TBC1D7: variants seen among roughly 807,000 people sequenced by gnomAD.
The protein encoded by TBC1D7 is TBC domain family 7.
TBC1D7 carries 33 observed loss-of-function variants against 35.3 expected under a neutral mutation model. The observed-to-expected ratio is 0.93, with a 90% CI of 0.71 to 1.25. The LOEUF is 1.25. Among genes scored for constraint, TBC1D7 ranks in the 50% most tolerant of loss-of-function variants. TBC1D7 has a pLI of 0.00. For missense variants in TBC1D7, 362 were observed against 365.3 expected (o/e 0.99, Z 0.07); for synonymous variants, 135 against 129.5 (o/e 1.04, Z -0.29).
chr6:13,325,020 G>A, intron 3 of TBC1D7, 74 bp downstream of exon 3: 1 of 1,167,442 alleles, frequency 8.6e-7, no homozygotes, highest in Non-Finnish European at 1.2e-6. Flanking sequence ...TCCTTTTTCT[G>A]ACTGATAAGA....
At chr6:13,324,258 G>T (rs1206172208) in intron 3 of TBC1D7, among the ~76,000 whole-genome samples, 1 of 152,014 alleles carries the variant, frequency 6.6e-6, no homozygotes, top group Non-Finnish European at 1.5e-5. Flanking sequence ...CTTCCAGGTA[G>T]CTGGGACTAC....
intron 5 of TBC1D7, among the ~76,000 whole-genome samples, chr6:13,314,981 G>T (rs1433384637): frequency 6.6e-6 from 1 of 152,198 alleles, no homozygotes; most frequent in African/African-American, 2.4e-5. Context: ...GCCAGGCTAT[G>T]ACAGAAACAG....
intron 3 of TBC1D7, 61 bp from the exon 4 acceptor site, chr6:13,321,156 C>T: frequency 6.8e-7 from 1 of 1,468,350 alleles, no homozygotes; most frequent in Non-Finnish European, 9.3e-7. Context: ...CCAAATCCCT[C>T]ATCTATGAAA....
At chr6:13,307,576 T>C (rs763123114) in intron 6 of TBC1D7, 24 bp downstream of exon 6, 1 of 1,613,048 alleles carries the variant, frequency 6.2e-7, no homozygotes, top group East Asian at 2.2e-5. Flanking sequence ...AAGCCTTCAA[T>C]ATGTCTTCGA....
intron 4 of TBC1D7, chr6:13,319,287 C>A (rs1783854162): frequency 1.3e-5 from 2 of 151,926 alleles, no homozygotes; most frequent in South Asian, 2.1e-4. Context: ...TGGAGAAATC[C>A]CATCTTTACT....
At chr6:13,321,166 A>G (rs1784018659) in intron 3 of TBC1D7, 71 bp from the exon 4 acceptor site, 1 of 1,401,864 alleles carries the variant, frequency 7.1e-7, no homozygotes, top group African/African-American at 1.4e-5. Context: ...CATCTATGAA[A>G]GAGGATGCCG....
Position 13,321,004 on chromosome 6 carries a change from A to G in TBC1D7, c.285T>C (p.Val95=), listed in dbSNP as rs369137516. ...GAGGTGTGGCATCACTAACAAAGCGAACGACTTTCAGGGCATGAAGGACAT... is the reference window on the plus strand; with the variant it reads ...GAGGTGTGGCATCACTAACAAAGCGGACGACTTTCAGGGCATGAAGGACAT... ...YLDVLHALKV[V]RFVSDATPQA... Residue 95 remains valine (V), a synonymous_variant, in exon 4 of 8, where the codon GTT becomes GTC. Coordinates refer to ENST00000379300, the MANE Select transcript of TBC1D7 (RefSeq NM_016495.6). The G allele has an allele frequency of 5.6e-5, 91 of 1,614,114 alleles. No individual in the cohort carries two copies. Among genetic ancestry groups the G allele is most frequent in the Non-Finnish European group, 7.5e-5 (89 of 1,180,052 alleles).
At chr6:13,308,786 AG>A (rs1447841388) in intron 5 of TBC1D7, among the ~76,000 whole-genome samples, 11 of 142,378 alleles carry the variant, frequency 7.7e-5, no homozygotes, top group Non-Finnish European at 1.4e-4. Flanking sequence ...ATGGAGTGAA[AG>A]GTAAGAGAAA....
At chr6:13,310,054 CA>C (rs768383701) in intron 5 of TBC1D7, among the ~76,000 whole-genome samples, 32 of 152,298 alleles carry the variant, frequency 2.1e-4, no homozygotes, top group Non-Finnish European at 3.8e-4. Flanking sequence ...TGTAGGGAAA[CA>C]ATCTACTGGT....
chr6:13,314,183 C>T (rs1255250903), intron 5 of TBC1D7, among the ~76,000 whole-genome samples: 3 of 147,136 alleles, frequency 2.0e-5, no homozygotes, highest in African/African-American at 7.6e-5. Flanking sequence ...CCCGCCTTGG[C>T]GACCAAGCGA....
chr6:13,311,842 C>T lies in TBC1D7; in HGVS notation c.520-4097G>A, dbSNP rs545195484. ...ACTTTCCTTATCAGCTATCAAAATA[C>T]GCTAGAAAGTTGTATTAAATAAATC... On this transcript the variant is annotated intron_variant, in intron 5 of 7. Transcript: ENST00000379300. Among the ~76,000 whole-genome samples the T allele has an allele frequency of 3.6e-4, 54 of 151,904 alleles. No individual in the cohort carries two copies. The South Asian group carries it at 3.9e-3, about 11-fold the overall frequency.
intron 5 of TBC1D7, among the ~76,000 whole-genome samples, chr6:13,314,089 G>C (rs1783424121): frequency 6.6e-6 from 1 of 151,908 alleles, no homozygotes; most frequent in African/African-American, 2.4e-5. Flanking sequence ...GTGGTGGCGG[G>C]TGCCTGTAGT....
intron 5 of TBC1D7, among the ~76,000 whole-genome samples, chr6:13,310,844 A>G (rs1783161358): frequency 6.6e-6 from 1 of 151,806 alleles, no homozygotes; most frequent in South Asian, 2.1e-4. Context: ...ATATGTGTAT[A>G]TATATTTTTT....
At chr6:13,309,769 T>C (rs1190201450) in intron 5 of TBC1D7, among the ~76,000 whole-genome samples, 3 of 152,232 alleles carry the variant, frequency 2.0e-5, no homozygotes, top group African/African-American at 7.2e-5. Context: ...TTTAGTATTT[T>C]GCTGTTTGCA....
chr6:13,328,078 TA>T (rs1478596918), intron 1 of TBC1D7: 3 of 152,188 alleles, frequency 2.0e-5, no homozygotes, highest in African/African-American at 7.2e-5. Context: ...TGTGGGGATT[TA>T]TTTTTTTAAA....
chr6:13,307,450 CAT>C, intron 6 of TBC1D7, 148 bp downstream of exon 6: 2 of 745,196 alleles, frequency 2.7e-6, no homozygotes, highest in Non-Finnish European at 4.5e-6. Flanking sequence ...TAAGCAGAAT[CAT>C]GTGCTGTTAC....
At chr6:13,322,096 C>T (rs1784083666) in intron 3 of TBC1D7, among the ~76,000 whole-genome samples, 1 of 151,932 alleles carries the variant, frequency 6.6e-6, no homozygotes, top group Non-Finnish European at 1.5e-5. Context: ...AAAAAATTAG[C>T]CAGGTCCAGT....
rs1554196299 is a variant in TBC1D7, at chr6:13,328,514, T to TGCCGCTGCCGCC, written c.-239_-228dup. 7.0e-4 allele frequency: 111 copies of TGCCGCTGCCGCC among 157,896 alleles called. 1 individual carries two copies. Among genetic ancestry groups the TGCCGCTGCCGCC allele is most frequent in the Non-Finnish European group, 1.3e-3 (92 of 71,038 alleles). 9.8% of individuals were successfully genotyped at this position (157,896 alleles called of 1,614,324 possible). A position where few individuals can be genotyped will look rare whatever the true frequency, so the allele number is the denominator to read the frequency against. On this transcript the variant is annotated 5_prime_UTR_variant, in exon 1 of 8. Transcript: ENST00000379300. ...AGACAAAACTCAGCGCCGCTGCCGCTGCCGCTGCCGCCGCCGCCGGACGTG... is the reference window on the plus strand; with the variant it reads ...AGACAAAACTCAGCGCCGCTGCCGCTGCCGCTGCCGCCGCCGCTGCCGCCGCCGCCGGACGTG...
At chr6:13,319,770 A>T (rs1584558901) in intron 4 of TBC1D7, 1 of 152,228 alleles carries the variant, frequency 6.6e-6, no homozygotes, top group Non-Finnish European at 1.5e-5. Context: ...AAAAATAAAA[A>T]TTTTTTAGAA....
Sources: gnomAD v4.1 joint callset for allele counts (sites outside exome capture counted in the v4.1 genomes callset) on GRCh38, gnomAD v4.1.1 for gene constraint, MANE v1.5 for transcripts, NCBI Gene and HGNC (gene_info 2026-07-23, HGNC 2026-07-21) for gene names.